TRPM3: variants seen among roughly 807,000 people sequenced by gnomAD.
TRPM3 encodes long transient receptor potential channel 3.
A neutral mutation model predicts 181.2 loss-of-function variants in TRPM3; 77 were observed. The observed-to-expected ratio is 0.42, with a 90% CI of 0.35 to 0.51. The LOEUF (loss-of-function observed/expected upper bound fraction) is 0.51. Among genes scored for constraint, TRPM3 ranks in the 20% least tolerant of loss-of-function variants. The pLI, the probability that TRPM3 is intolerant of heterozygous loss-of-function variation, is 0.01. For missense variants in TRPM3, 1,759 were observed against 2,196.7 expected (o/e 0.80, Z 3.98); for synonymous variants, 745 against 796.4 (o/e 0.94, Z 1.09).
intron 8 of TRPM3, among the ~76,000 whole-genome samples, chr9:70,744,344 A>G (rs2074750796): frequency 6.7e-6 from 1 of 148,720 alleles, no homozygotes; most frequent in African/African-American, 2.5e-5. Context: ...AAAAAAAAGT[A>G]AAAAGAAAAA....
intron 1 of TRPM3, among the ~76,000 whole-genome samples, chr9:71,234,132 C>G (rs572805512): frequency 1.9e-4 from 29 of 152,302 alleles, no homozygotes; most frequent in African/African-American, 6.7e-4. Context: ...CCTAGTTACT[C>G]ATTCACGTGC....
intron 1 of TRPM3, among the ~76,000 whole-genome samples, chr9:71,216,937 C>CTT (rs10536771): frequency 0.01 from 763 of 73,000 alleles, 70 homozygotes; most frequent in Middle Eastern, 0.032. Context: ...GTGGCCCTTT[C>CTT]TTTTTTTTTT....
intron 1 of TRPM3, among the ~76,000 whole-genome samples, chr9:71,398,738 A>G (rs1381380344): frequency 2.6e-5 from 4 of 152,198 alleles, no homozygotes; most frequent in African/African-American, 9.7e-5. Context: ...AGTCTCAGGT[A>G]GTTCTTTATG....
At chr9:70,934,769 C>T (rs1004619111) in intron 1 of TRPM3, among the ~76,000 whole-genome samples, 1 of 152,086 alleles carries the variant, frequency 6.6e-6, no homozygotes, top group African/African-American at 2.4e-5. Context: ...TGTGTTTTCA[C>T]TGAGAAGGTG....
intron 1 of TRPM3, among the ~76,000 whole-genome samples, chr9:71,229,242 G>T (rs906450442): frequency 1.3e-5 from 2 of 152,122 alleles, no homozygotes; most frequent in African/African-American, 4.8e-5. Flanking sequence ...AATCAATAGT[G>T]CTGGGAAAAC....
chr9:70,582,955 G>A lies in TRPM3; in HGVS notation c.3223+8076C>T, dbSNP rs79625782. Among the ~76,000 whole-genome samples the A allele has an allele frequency of 5.0e-3, 762 of 152,176 alleles. 6 individuals are homozygous for A. Among genetic ancestry groups the A allele is most frequent in the African/African-American group, 0.017 (712 of 41,504 alleles). ...AACCTATGTGTTTATTTTTATTTTG[G>A]GTATCCTGTTTTTACTTACAAGATG... On this transcript the variant is annotated intron_variant, in intron 22 of 25. Coordinates refer to ENST00000677713, the MANE Select transcript of TRPM3 (RefSeq NM_001366145.2).
At chr9:71,208,300 T>C (rs114015519) in intron 1 of TRPM3, among the ~76,000 whole-genome samples, 5 of 152,210 alleles carry the variant, frequency 3.3e-5, no homozygotes, top group Non-Finnish European at 5.9e-5. Context: ...ACAGCAAGAG[T>C]ACAACTTGCT....
At chr9:70,654,883 C>T (rs1273794489) in intron 9 of TRPM3, among the ~76,000 whole-genome samples, 1 of 151,476 alleles carries the variant, frequency 6.6e-6, no homozygotes, top group East Asian at 2.0e-4. Context: ...TGGGGTTTCA[C>T]TGTGTTACCC....
chr9:71,041,036 A>T (rs1251582220), intron 1 of TRPM3, among the ~76,000 whole-genome samples: 2 of 152,178 alleles, frequency 1.3e-5, no homozygotes, highest in Non-Finnish European at 2.9e-5. Context: ...TGATGGCAAA[A>T]TCTGAATAGA....
At chr9:70,832,796 T>C (rs2094029319) in intron 5 of TRPM3, among the ~76,000 whole-genome samples, 1 of 152,190 alleles carries the variant, frequency 6.6e-6, no homozygotes, top group South Asian at 2.1e-4. Context: ...CACCCAGAAG[T>C]AGTAAACAGG....
At chr9:70,773,374 T>C (rs1588137695) in intron 7 of TRPM3, among the ~76,000 whole-genome samples, 1 of 152,160 alleles carries the variant, frequency 6.6e-6, no homozygotes, top group Admixed American at 6.5e-5. Flanking sequence ...TATAGCCACC[T>C]CATGATGTTT....
At chr9:70,569,838 G>GAT (rs2051709307) in intron 22 of TRPM3, among the ~76,000 whole-genome samples, 1 of 151,904 alleles carries the variant, frequency 6.6e-6, no homozygotes, top group African/African-American at 2.4e-5. Flanking sequence ...TTAATTAATT[G>GAT]ATATATGTAT....
At chr9:70,890,859 C>T (rs1479838544) in intron 1 of TRPM3, among the ~76,000 whole-genome samples, 2 of 151,898 alleles carry the variant, frequency 1.3e-5, no homozygotes, top group African/African-American at 4.8e-5. Context: ...GATAGAAAAG[C>T]AAAGTGCCAG....
At chr9:70,674,480 T>C (rs940314034) in intron 9 of TRPM3, among the ~76,000 whole-genome samples, 5 of 152,160 alleles carry the variant, frequency 3.3e-5, no homozygotes, top group Admixed American at 1.3e-4. Context: ...TTAGTGAAGG[T>C]TGGTGATAGT....
intron 1 of TRPM3, among the ~76,000 whole-genome samples, chr9:71,433,330 T>A (rs371318500): frequency 3.3e-5 from 5 of 152,282 alleles, no homozygotes; most frequent in Admixed American, 6.5e-5. Context: ...TGACAGTGAG[T>A]GAGTTCTCAC....
intron 1 of TRPM3, among the ~76,000 whole-genome samples, chr9:71,438,357 T>C (rs1400139301): frequency 6.6e-6 from 1 of 152,118 alleles, no homozygotes; most frequent in East Asian, 1.9e-4. Flanking sequence ...AATTTGATAA[T>C]AGTGTTACAG....
intron 1 of TRPM3, among the ~76,000 whole-genome samples, chr9:71,436,081 C>T (rs2131635465): frequency 6.6e-6 from 1 of 152,150 alleles, no homozygotes; most frequent in South Asian, 2.1e-4. Context: ...GTCAGTCTTC[C>T]CCATGCTAGT....
intron 1 of TRPM3, among the ~76,000 whole-genome samples, chr9:70,986,129 G>A (rs547323273): frequency 1.3e-5 from 2 of 152,258 alleles, no homozygotes; most frequent in Admixed American, 1.3e-4. Context: ...GGAGGCCAAG[G>A]CAGGAGGATC....
chr9:71,160,737 T>C (rs1008411792), intron 1 of TRPM3, among the ~76,000 whole-genome samples: 1 of 152,204 alleles, frequency 6.6e-6, no homozygotes, highest in Non-Finnish European at 1.5e-5. Flanking sequence ...ACAAAGTTCT[T>C]TCTGTGTCTC....
Sources: allele counts gnomAD v4.1 joint callset (sites outside exome capture counted in the v4.1 genomes callset), GRCh38; gene constraint gnomAD v4.1.1; transcripts MANE v1.5; gene names NCBI Gene and HGNC (gene_info 2026-07-23, HGNC 2026-07-21).